Variants in ERICH3 observed in about 807,000 individuals in gnomAD.
The protein encoded by ERICH3 is glutamate rich 3.
ERICH3 carries 126 observed loss-of-function variants against 131.1 expected under a neutral mutation model. The observed-to-expected ratio is 0.96, with a 90% CI of 0.83 to 1.11. The LOEUF is 1.11. Among genes scored for constraint, ERICH3 ranks in the 50% most tolerant of loss-of-function variants. The probability of loss-of-function intolerance (pLI) is 0.00; values close to 1 mark genes in which losing one functional copy is unlikely to be tolerated. For missense variants in ERICH3, 2,050 were observed against 1,810.7 expected, an observed-to-expected ratio of 1.13 and a Z score of -2.40; for synonymous variants, 695 against 644.6, an observed-to-expected ratio of 1.08 and a Z score of -1.18.
intron 3 of ERICH3, among the ~76,000 whole-genome samples, chr1:74,646,212 G>A (rs944689623): frequency 2.0e-5 from 3 of 152,028 alleles, no homozygotes; most frequent in African/African-American, 7.2e-5. Context: ...GAGCTTCAGA[G>A]CCTTAAAAGA....
At chr1:74,575,253 T>C (rs1647030151) in intron 13 of ERICH3, among the ~76,000 whole-genome samples, 1 of 152,248 alleles carries the variant, frequency 6.6e-6, no homozygotes, top group African/African-American at 2.4e-5. Context: ...ATAAAGCATT[T>C]TGAGGTAAAG....
chr1:74,641,358 A>C lies in ERICH3; in HGVS notation c.417T>G (p.Asp139Glu), dbSNP rs370739598. The change falls in exon 5 of 15, where the codon GAT (aspartate) becomes GAG (glutamate). Residue 139 changes from aspartate (D) to glutamate (E), a missense_variant. Physicochemically the swap from Asp to Glu is conservative, Grantham distance 45 (BLOSUM62 2). Transcript: ENST00000326665. ...KSNRGHSVLV[D>E]EGHSSPLALT... ...GTGCTAACGGACTGGAATGTCCTTCATCAACCAGAACACTATGGCCACGAT... is the reference window on the plus strand; with the variant it reads ...GTGCTAACGGACTGGAATGTCCTTCCTCAACCAGAACACTATGGCCACGAT... 2 of 1,612,876 alleles carry C rather than the reference A, an allele frequency of 1.2e-6. No individual in the cohort carries two copies. Among genetic ancestry groups the C allele is most frequent in the South Asian group, 2.2e-5 (2 of 91,032 alleles).
At chr1:74,589,049 G>T (rs763816078) in intron 12 of ERICH3, among the ~76,000 whole-genome samples, 1 of 152,128 alleles carries the variant, frequency 6.6e-6, no homozygotes, top group Non-Finnish European at 1.5e-5. Context: ...TCCTAGGAAT[G>T]CCTCTTTTAG....
chr1:74,638,135 TA>T (rs1433531444), intron 5 of ERICH3, among the ~76,000 whole-genome samples: 1 of 152,148 alleles, frequency 6.6e-6, no homozygotes, highest in Non-Finnish European at 1.5e-5. Context: ...AAAGTGTGTG[TA>T]AATACTTTAA....
At position 74,571,544 on chromosome 1, in the gene ERICH3, T is replaced by C; in HGVS notation, c.4166A>G (p.Gln1389Arg). 2 of 1,614,174 alleles carry C rather than the reference T, an allele frequency of 1.2e-6. No individual in the cohort carries two copies. The highest frequency in any genetic ancestry group is 1.7e-6 in the Non-Finnish European group (2 of 1,180,010). ...TGTTTTTCCTACTAACTCATCCTGT[T>C]GGTGCCAGGTTTCTTCCTCAGCAAC... ...SDVAEEETWHQQDELVGKTAA... is the reference protein window; with the variant it reads ...SDVAEEETWHRQDELVGKTAA... Residue 1389 changes from glutamine to arginine, a missense_variant, in exon 14 of 15, where the codon CAA (glutamine) becomes CGA (arginine). Physicochemically the swap from Gln to Arg is conservative, Grantham distance 43. Transcript: ENST00000326665.
intron 5 of ERICH3, 103 bp from the exon 6 acceptor site, chr1:74,636,541 T>G: frequency 8.7e-7 from 1 of 1,142,894 alleles, no homozygotes. Flanking sequence ...AATGGTGCCT[T>G]TTTACTGAAC....
At chr1:74,620,251 G>A (rs770904528) in intron 8 of ERICH3, among the ~76,000 whole-genome samples, 1 of 152,122 alleles carries the variant, frequency 6.6e-6, no homozygotes, top group Non-Finnish European at 1.5e-5. Flanking sequence ...AAGCAAAAAT[G>A]TACTAAAAAG....
chr1:74,664,907 T>C (rs1646675208), intron 1 of ERICH3, among the ~76,000 whole-genome samples: 1 of 152,222 alleles, frequency 6.6e-6, no homozygotes. Flanking sequence ...TCTTTACTTA[T>C]ATTTTTTGTT....
chr1:74,650,913 CA>C, intron 1 of ERICH3, among the ~76,000 whole-genome samples: 1 of 149,850 alleles, frequency 6.7e-6, no homozygotes, highest in Admixed American at 6.7e-5. Context: ...GAGAGAAAGA[CA>C]AAGAGGAAGA....
intron 7 of ERICH3, among the ~76,000 whole-genome samples, chr1:74,630,010 ATTG>A (rs757508527): frequency 6.6e-6 from 1 of 152,038 alleles, no homozygotes; most frequent in Admixed American, 6.6e-5. Context: ...TTGCTTGGTT[ATTG>A]TTGTTGAACT....
intron 3 of ERICH3, 23 bp from the exon 4 acceptor site, chr1:74,643,121 A>T: frequency 6.3e-7 from 1 of 1,577,994 alleles, no homozygotes; most frequent in Non-Finnish European, 8.7e-7. Flanking sequence ...GAAAGAATAA[A>T]GGAGAGAATC....
chr1:74,638,352 TG>T (rs1646409698), intron 5 of ERICH3, among the ~76,000 whole-genome samples: 1 of 152,132 alleles, frequency 6.6e-6, no homozygotes, highest in African/African-American at 2.4e-5. Flanking sequence ...ACACAAATAC[TG>T]CCAAACAGAC....
At chr1:74,627,556 A>G in intron 7 of ERICH3, among the ~76,000 whole-genome samples, 1 of 152,132 alleles carries the variant, frequency 6.6e-6, no homozygotes, top group East Asian at 1.9e-4. Context: ...ATCAAACACA[A>G]TCCACCCCTA....
In ERICH3 at chr1:74,568,297, A is replaced by G. The variant is rs149146079; in HGVS notation, c.*2161T>C. On this transcript the variant is annotated 3_prime_UTR_variant, in exon 15 of 15. Transcript: ENST00000326665. ...GCAGATTGTAAAATTATGTTATGGG[A>G]TGTTTTGATGGAGTGTGTTAAATAT... 1.1e-3 allele frequency: 163 copies of G among 152,318 alleles called. No homozygotes were observed. The highest frequency in any genetic ancestry group is 3.8e-3 in the African/African-American group (158 of 41,594). 9.4% of individuals were successfully genotyped at this position (152,318 alleles called of 1,614,324 possible). A position where few individuals can be genotyped will look rare whatever the true frequency, so the allele number is the denominator to read the frequency against.
chr1:74,627,085 A>G (rs772972505), intron 7 of ERICH3, among the ~76,000 whole-genome samples: 6 of 152,134 alleles, frequency 3.9e-5, no homozygotes, highest in Non-Finnish European at 8.8e-5. Flanking sequence ...TCTTTTCTAT[A>G]TCTAAATAAA....
intron 9 of ERICH3, among the ~76,000 whole-genome samples, chr1:74,610,089 T>C (rs1053704873): frequency 3.3e-5 from 5 of 151,964 alleles, no homozygotes; most frequent in African/African-American, 1.2e-4. Flanking sequence ...GGGAATTAAA[T>C]AGAATTGTGT....
At chr1:74,633,630 T>A (rs1646361943) in intron 6 of ERICH3, among the ~76,000 whole-genome samples, 2 of 152,026 alleles carry the variant, frequency 1.3e-5, no homozygotes, top group African/African-American at 2.4e-5. Flanking sequence ...TAATACTTTT[T>A]AAATGTACTT....
intron 10 of ERICH3, among the ~76,000 whole-genome samples, chr1:74,600,166 C>T (rs533332054): frequency 1.0e-3 from 159 of 151,620 alleles, no homozygotes; most frequent in African/African-American, 3.6e-3. Flanking sequence ...AAGGCTGAAA[C>T]CTAATAAAAG....
Position 74,572,145 on chromosome 1 carries a change from C to A in ERICH3, c.3565G>T (p.Glu1189Ter). ...GERLSEARDT[E>*]HKDREELSSR... ...GACAGCTCTTCTCTGTCTTTGTGCTCTGTGTCTCTGGCTTCACTCAGTCTT... is the reference window on the plus strand; with the variant it reads ...GACAGCTCTTCTCTGTCTTTGTGCTATGTGTCTCTGGCTTCACTCAGTCTT... Residue 1189 changes from glutamate (E) to a stop codon, truncating the protein, a stop_gained, in exon 14 of 15, where the codon GAG becomes TAG. Transcript: ENST00000326665. LOFTEE classifies it high-confidence loss of function. 6.2e-7 allele frequency: 1 copy of A among 1,614,116 alleles called. No individual in the cohort carries two copies. The highest frequency in any genetic ancestry group is 8.5e-7 in the Non-Finnish European group (1 of 1,180,020).
Sources: gnomAD v4.1 joint callset for allele counts (sites outside exome capture counted in the v4.1 genomes callset) on GRCh38, gnomAD v4.1.1 for gene constraint, MANE v1.5 for transcripts, NCBI Gene and HGNC (gene_info 2026-07-23, HGNC 2026-07-21) for gene names.